Variants in KDM5A observed in about 807,000 individuals in gnomAD.
KDM5A encodes lysine-specific demethylase 5A.
Under a neutral mutation model 193.5 loss-of-function variants are expected in KDM5A, and 42 were observed. The observed-to-expected ratio is 0.22, with a 90% CI of 0.17 to 0.28. The LOEUF is 0.28. Among genes scored for constraint, KDM5A ranks in the 10% least tolerant of loss-of-function variants. The pLI, the probability that KDM5A is intolerant of heterozygous loss-of-function variation, is 1.00. For missense variants in KDM5A, 1,692 were observed against 2,055.1 expected, an observed-to-expected ratio of 0.82 and a Z score of 3.42; for synonymous variants, 796 against 718.1, an observed-to-expected ratio of 1.11 and a Z score of -1.73.
chr12:372,086 T>C (rs1944435476), intron 3 of KDM5A, among the ~76,000 whole-genome samples: 1 of 152,212 alleles, frequency 6.6e-6, no homozygotes. Flanking sequence ...ATGTGGGCTC[T>C]TTTTTGGTTC....
rs571617546 is a variant in KDM5A at position 315,752 on chromosome 12, C to T, written c.2897+2354G>A. ...CTAACTACCAAAGTACCTGCTTGTT[C>T]AAATGAGTGAAAGATGGTATAATTT... On this transcript the variant is annotated intron_variant, in intron 19 of 27. Transcript: ENST00000399788. Among the ~76,000 whole-genome samples, 17 of 152,090 alleles carry T rather than the reference C, an allele frequency of 1.1e-4. No homozygotes were observed. The East Asian group carries it at 3.3e-3, about 29-fold the overall frequency.
At chr12:318,912 T>C (rs1173325745) in intron 18 of KDM5A, among the ~76,000 whole-genome samples, 2 of 152,184 alleles carry the variant, frequency 1.3e-5, no homozygotes, top group South Asian at 2.1e-4. Context: ...AGTAATGTCA[T>C]TGGTAGTCAC....
chr12:347,606 C>A (rs1565541448), intron 10 of KDM5A, among the ~76,000 whole-genome samples: 1 of 152,166 alleles, frequency 6.6e-6, no homozygotes, highest in Non-Finnish European at 1.5e-5. Context: ...AGAAATAACA[C>A]CACATATCCA....
intron 5 of KDM5A, among the ~76,000 whole-genome samples, chr12:357,648 T>A (rs983176347): frequency 2.3e-4 from 34 of 150,470 alleles, no homozygotes; most frequent in Non-Finnish European, 4.0e-4. Context: ...CCCAATATGG[T>A]GAAACCCCGT....
Position 323,068 on chromosome 12 carries a change from G to A in KDM5A, c.2275+14C>T, listed in dbSNP as rs745622861. 10 of 1,613,116 alleles carry A rather than the reference G, an allele frequency of 6.2e-6. No homozygotes were observed. Among genetic ancestry groups the A allele is most frequent in the African/African-American group, 1.3e-5 (1 of 74,824 alleles). ...ATCAATTCAGTATATGCATACAAAA[G>A]AAGGAAATTTAACCTTTTTTGTGGT... On this transcript the variant is annotated intron_variant, in intron 16 of 27. Transcript: ENST00000399788.
intron 5 of KDM5A, among the ~76,000 whole-genome samples, chr12:360,116 T>C (rs1036953096): frequency 2.2e-4 from 34 of 151,896 alleles, no homozygotes; most frequent in Middle Eastern, 3.4e-3. Context: ...CTACTAAAAA[T>C]ATAAAAAATG....
chr12:320,918 T>C, intron 18 of KDM5A, 77 bp downstream of exon 18: 1 of 1,004,212 alleles, frequency 1.0e-6, no homozygotes, highest in East Asian at 2.4e-5. Flanking sequence ...CTAGTTTAGA[T>C]ATACCATTCT....
chr12:302,360 A>G (rs1943453563), intron 24 of KDM5A, among the ~76,000 whole-genome samples: 3 of 152,362 alleles, frequency 2.0e-5, no homozygotes, highest in South Asian at 2.1e-4. Context: ...GGCCTCAGAA[A>G]TAACACCATA....
intron 8 of KDM5A, among the ~76,000 whole-genome samples, chr12:353,669 T>C (rs1591927911): frequency 6.6e-6 from 1 of 152,132 alleles, no homozygotes; most frequent in African/African-American, 2.4e-5. Flanking sequence ...AAGCCTGTAA[T>C]CCCAGCACTC....
intron 17 of KDM5A, among the ~76,000 whole-genome samples, chr12:321,821 A>G (rs895691054): frequency 1.3e-5 from 2 of 152,144 alleles, no homozygotes; most frequent in African/African-American, 4.8e-5. Context: ...CTATTTGTTC[A>G]TTTACAAATA....
At chr12:381,985 A>C (rs1307095179) in intron 3 of KDM5A, among the ~76,000 whole-genome samples, 1 of 151,938 alleles carries the variant, frequency 6.6e-6, no homozygotes, top group East Asian at 1.9e-4. Flanking sequence ...TTATTTTTTA[A>C]TTTTTTGTAG....
intron 1 of KDM5A, among the ~76,000 whole-genome samples, chr12:386,726 G>A (rs970707899): frequency 6.6e-6 from 1 of 152,118 alleles, no homozygotes; most frequent in South Asian, 2.1e-4. Flanking sequence ...GGATGATTTC[G>A]GATTTGGAAT....
At chr12:350,060 G>C (rs1373138902) in intron 10 of KDM5A, among the ~76,000 whole-genome samples, 1 of 151,946 alleles carries the variant, frequency 6.6e-6, no homozygotes, top group Non-Finnish European at 1.5e-5. Context: ...CCCGGGAGGT[G>C]GAGGTTGCAG....
At position 363,073 on chromosome 12, in the gene KDM5A, G is replaced by T; in HGVS notation, c.562C>A (p.Leu188Ile). 6.2e-7 allele frequency: 1 copy of T among 1,613,956 alleles called. No individual in the cohort carries two copies. Among genetic ancestry groups the T allele is most frequent in the Non-Finnish European group, 8.5e-7 (1 of 1,179,856 alleles). Residue 188 changes from leucine to isoleucine, a missense_variant, in exon 5 of 28, where the codon CTT (leucine) becomes ATT (isoleucine). Physicochemically the swap from Leu to Ile is conservative, Grantham distance 5 (BLOSUM62 2). Coordinates refer to ENST00000399788, the MANE Select transcript of KDM5A (RefSeq NM_001042603.3). ...ACCTCAGGCTCCACTTTTTCTTTAAGATCTAAATTAGGCATCTGCACACCC... is the reference window on the plus strand; with the variant it reads ...ACCTCAGGCTCCACTTTTTCTTTAATATCTAAATTAGGCATCTGCACACCC... ...LMGVQMPNLD[L>I]KEKVEPEVLS...
At position 297,113 on chromosome 12, in the gene KDM5A, T is replaced by A. The variant is rs1359834498; in HGVS notation, c.4162A>T (p.Thr1388Ser). ...EIPIKSEEVVTHMWTAPSFCA... is the reference protein window; with the variant it reads ...EIPIKSEEVVSHMWTAPSFCA... Reference sequence around the variant, plus strand: ...AATGAAGGTGCTGTCCACATGTGGGTCACCACCTCCTCGGATTTGATGGGA... The same window carrying A: ...AATGAAGGTGCTGTCCACATGTGGGACACCACCTCCTCGGATTTGATGGGA... Residue 1388 changes from threonine to serine, a missense_variant, in exon 25 of 28, where the codon ACC (threonine) becomes TCC (serine). Coordinates refer to ENST00000399788, the MANE Select transcript of KDM5A (RefSeq NM_001042603.3). 1.2e-6 allele frequency: 2 copies of A among 1,614,002 alleles called. No homozygotes were observed. The highest frequency in any genetic ancestry group is 2.2e-5 in the East Asian group (1 of 44,802).
intron 13 of KDM5A, among the ~76,000 whole-genome samples, chr12:329,555 T>A (rs1430860149): frequency 6.6e-6 from 1 of 152,078 alleles, no homozygotes; most frequent in Non-Finnish European, 1.5e-5. Context: ...GGCTGACATT[T>A]AGTTTTTTTT....
rs543829703 is a variant in KDM5A at position 339,103 on chromosome 12, G to A, written c.1309-4681C>T. ...TGAGGCAGGAGAAACGCCTGAACCC[G>A]GGAGGCAGAGGTTGTGGTGAGCCGA... On this transcript the variant is annotated intron_variant, in intron 10 of 27. Transcript: ENST00000399788. Among the ~76,000 whole-genome samples, 304 of 150,102 alleles carry A rather than the reference G, an allele frequency of 2.0e-3. 2 individuals are homozygous for A. Among genetic ancestry groups the A allele is most frequent in the Non-Finnish European group, 3.2e-3 (219 of 67,416 alleles).
chr12:385,845 G>C (rs1156272439), intron 2 of KDM5A, 52 bp downstream of exon 2: 14 of 1,381,256 alleles, frequency 1.0e-5, no homozygotes, highest in Non-Finnish European at 1.3e-5. Flanking sequence ...TCTACCTACA[G>C]CCCTAATATA....
rs984144068 is a variant in KDM5A, at chr12:308,029, G to A, written c.3379-24C>T. 1.9e-6 allele frequency: 3 copies of A among 1,609,420 alleles called. No individual in the cohort carries two copies. In the Admixed American group the frequency reaches 5.0e-5, roughly 27 times the overall value. ...ACCTGTACAAGACAAACATTTAATT[G>A]AAAAGAGTCACTGCAATATACCCCC... On this transcript the variant is annotated intron_variant, in intron 22 of 27. Transcript: ENST00000399788.
Sources: gnomAD v4.1 joint callset for allele counts (sites outside exome capture counted in the v4.1 genomes callset) on GRCh38, gnomAD v4.1.1 for gene constraint, MANE v1.5 for transcripts, NCBI Gene and HGNC (gene_info 2026-07-23, HGNC 2026-07-21) for gene names.